Variants in GRPR observed in about 807,000 individuals in gnomAD.
GRPR encodes the protein gastrin releasing peptide receptor, also known as gastrin-releasing peptide receptor.
Under a neutral mutation model 15.6 loss-of-function variants are expected in GRPR, and 4 were observed. The observed-to-expected ratio is 0.26, with a 90% CI of 0.13 to 0.59. GRPR has a LOEUF of 0.59. Among genes scored for constraint, GRPR ranks in the 20% least tolerant of loss-of-function variants. GRPR has a pLI of 0.90. For missense variants in GRPR, 270 were observed against 304.1 expected, an observed-to-expected ratio of 0.89 and a Z score of 0.83; for synonymous variants, 128 against 126.8, an observed-to-expected ratio of 1.01 and a Z score of -0.06.
chrX:16,128,092 G>C (rs1922320430), intron 1 of GRPR, among the ~76,000 whole-genome samples: 1 of 112,374 alleles, frequency 8.9e-6, no homozygotes, highest in African/African-American at 3.2e-5. Flanking sequence ...TGCCCCTCAA[G>C]TTTTCTTGTG....
chrX:16,134,231 T>A (rs943004942), intron 1 of GRPR, among the ~76,000 whole-genome samples: 13 of 111,968 alleles, frequency 1.2e-4, no homozygotes, highest in Non-Finnish European at 2.4e-4. Flanking sequence ...TTTTCAGTTC[T>A]CTAATCCTTT....
At chrX:16,145,057 T>G (rs1922584519) in intron 1 of GRPR, among the ~76,000 whole-genome samples, 1 of 111,420 alleles carries the variant, frequency 9.0e-6, no homozygotes, top group Admixed American at 9.5e-5. Flanking sequence ...ACCCATAGAA[T>G]GTAAATTAGT....
chrX:16,137,975 A>G (rs1390897775), intron 1 of GRPR, among the ~76,000 whole-genome samples: 1 of 112,118 alleles, frequency 8.9e-6, no homozygotes, highest in East Asian at 2.8e-4. Flanking sequence ...GGGTACATCA[A>G]CCTTCTTAAT....
chrX:16,135,149 C>T (rs1011492669), intron 1 of GRPR, among the ~76,000 whole-genome samples: 4 of 111,718 alleles, frequency 3.6e-5, no homozygotes, highest in African/African-American at 1.3e-4. Flanking sequence ...GGAATCTCAA[C>T]TGATGCCTGC....
rs1922736344 is a variant in GRPR, at chrX:16,152,773, G to C, written c.*128G>C. On this transcript the variant is annotated 3_prime_UTR_variant, in exon 3 of 3. Coordinates refer to ENST00000380289, the MANE Select transcript of GRPR (RefSeq NM_005314.3). ...ATGCTCCTGAGTGGTGTAGGTGGGG[G>C]TGGGGAGGCCCAAATGATGGATCAC... 3.5e-6 allele frequency: 2 copies of C among 573,092 alleles called. No individual in the cohort carries two copies. Among genetic ancestry groups the C allele is most frequent in the African/African-American group, 2.3e-5 (1 of 44,372 alleles). The allele number at this position is 573,092 out of a possible 1,213,427, so 47.2% of individuals were successfully genotyped here. A position where few individuals can be genotyped will look rare whatever the true frequency, so the allele number is the denominator to read the frequency against.
chrX:16,149,298 T>C (rs574916209), intron 1 of GRPR, among the ~76,000 whole-genome samples: 5 of 111,378 alleles, frequency 4.5e-5, no homozygotes, highest in African/African-American at 1.3e-4. Flanking sequence ...AAGCTCCCTC[T>C]TTCTATCCTA....
chrX:16,125,039 A>C (rs1922268682), intron 1 of GRPR, among the ~76,000 whole-genome samples: 1 of 112,351 alleles, frequency 8.9e-6, no homozygotes, highest in South Asian at 3.7e-4. Flanking sequence ...TATTGACAAT[A>C]CTTCATATAC....
At chrX:16,138,291 G>A (rs1922478250) in intron 1 of GRPR, among the ~76,000 whole-genome samples, 1 of 112,123 alleles carries the variant, frequency 8.9e-6, no homozygotes, top group Middle Eastern at 4.6e-3. Flanking sequence ...AGCACTGCCT[G>A]TTTGCTAGAA....
chrX:16,146,228 T>TTAGA (rs1922603567), intron 1 of GRPR, among the ~76,000 whole-genome samples: 1 of 111,882 alleles, frequency 8.9e-6, no homozygotes, highest in Non-Finnish European at 1.9e-5. Flanking sequence ...TCTAATTGTT[T>TTAGA]TAGATAAGGC....
Position 16,124,321 on chromosome X carries a change from C to T in GRPR, c.368C>T (p.Ser123Phe). 1 of 1,210,946 alleles carries T rather than the reference C, an allele frequency of 8.3e-7. No individual in the cohort carries two copies. Among genetic ancestry groups the T allele is most frequent in the East Asian group, 3.0e-5 (1 of 33,847 alleles). ...CTGATCCCCTTTATACAGCTTACCTCTGTTGGGGTGTCTGTCTTCACACTC... is the reference window on the plus strand; with the variant it reads ...CTGATCCCCTTTATACAGCTTACCTTTGTTGGGGTGTCTGTCTTCACACTC... Reference protein sequence around the residue: ...CKLIPFIQLTSVGVSVFTLTA... With the variant: ...CKLIPFIQLTFVGVSVFTLTA... Residue 123 changes from serine (S) to phenylalanine (F), a missense_variant, in exon 1 of 3, where the codon TCT becomes TTT. By Grantham distance (155) the Ser-to-Phe change is radical (BLOSUM62 -2). Transcript: ENST00000380289.
At chrX:16,142,002 G>A (rs1922536725) in intron 1 of GRPR, among the ~76,000 whole-genome samples, 1 of 111,915 alleles carries the variant, frequency 8.9e-6, no homozygotes, top group African/African-American at 3.2e-5. Context: ...CTTCAAATGG[G>A]CAAGTGGCTT....
In GRPR at chrX:16,152,415, C is replaced by A; in HGVS notation, c.925C>A (p.Leu309Ile). The stretch of plus-strand genomic sequence containing the variant: ...CTTTGTCACCAGCATCTGTGCCCGC[C>A]TCCTGGCCTTCACCAACTCCTGCGT... ...LHFVTSICAR[L>I]LAFTNSCVNP... Residue 309 changes from leucine to isoleucine, a missense_variant, in exon 3 of 3, where the codon CTC becomes ATC. Leu to Ile is a conservative substitution (Grantham distance 5). Coordinates refer to ENST00000380289, the MANE Select transcript of GRPR (RefSeq NM_005314.3). 1 of 1,210,973 alleles carries A rather than the reference C, an allele frequency of 8.3e-7. No individual in the cohort carries two copies. Among genetic ancestry groups the A allele is most frequent in the East Asian group, 3.0e-5 (1 of 33,850 alleles).
intron 1 of GRPR, among the ~76,000 whole-genome samples, chrX:16,129,307 G>A (rs921927467): frequency 1.8e-5 from 2 of 112,127 alleles, no homozygotes; most frequent in Admixed American, 1.9e-4. Flanking sequence ...GTCTAACTTG[G>A]TAGCCACTAA....
rs1922518359 is a variant in GRPR at position 16,140,697 on chromosome X, C to T, written c.414-9608C>T. Reference sequence around the variant, plus strand: ...TAACTGTGGTTTCTCAGGGGATTCCCAGCAAGAATGTGCCCCAGTTGCCCA... The same window carrying T: ...TAACTGTGGTTTCTCAGGGGATTCCTAGCAAGAATGTGCCCCAGTTGCCCA... On this transcript the variant is annotated intron_variant, in intron 1 of 2. Coordinates refer to ENST00000380289, the MANE Select transcript of GRPR (RefSeq NM_005314.3). Among the ~76,000 whole-genome samples the T allele has an allele frequency of 2.7e-5, 3 of 112,068 alleles. No individual in the cohort carries two copies. The Admixed American group carries it at 2.8e-4, about 11-fold the overall frequency.
intron 1 of GRPR, among the ~76,000 whole-genome samples, chrX:16,133,376 T>G (rs1340343236): frequency 5.4e-5 from 6 of 111,929 alleles, no homozygotes; most frequent in Non-Finnish European, 7.5e-5. Flanking sequence ...TCTCTCTAGA[T>G]TTAAAAACCT....
chrX:16,124,211 C>T lies in GRPR; in HGVS notation c.258C>T (p.Asp86=), dbSNP rs1349387672. 1 of 1,210,708 alleles carries T rather than the reference C, an allele frequency of 8.3e-7. No individual in the cohort carries two copies. Among genetic ancestry groups the T allele is most frequent in the South Asian group, 1.8e-5 (1 of 56,935 alleles). ...NLFISSLALG[D]LLLLITCAPV... The stretch of plus-strand genomic sequence containing the variant: ...TCATTTCCAGTCTGGCTTTGGGAGA[C>T]CTGCTCCTCCTAATAACGTGTGCTC... The change falls in exon 1 of 3, where the codon GAC becomes GAT. Residue 86 remains aspartate (D), a synonymous_variant. Transcript: ENST00000380289.
intron 1 of GRPR, among the ~76,000 whole-genome samples, chrX:16,126,278 C>T (rs1193598987): frequency 2.7e-5 from 3 of 112,004 alleles, no homozygotes; most frequent in African/African-American, 9.7e-5. Context: ...TGATGGATCA[C>T]CTGAATCACA....
At chrX:16,152,232 C>T in intron 2 of GRPR, 24 bp from the exon 3 acceptor site, 1 of 1,180,718 alleles carries the variant, frequency 8.5e-7, no homozygotes, top group Non-Finnish European at 1.2e-6. Flanking sequence ...TCCTCTGTCT[C>T]TCTCCATGTG....
chrX:16,140,595 T>C (rs1922516753), intron 1 of GRPR, among the ~76,000 whole-genome samples: 1 of 111,198 alleles, frequency 9.0e-6, no homozygotes, highest in African/African-American at 3.3e-5. Flanking sequence ...CAACAGACAA[T>C]TGTCAACCAG....
Sources: allele counts gnomAD v4.1 joint callset (sites outside exome capture counted in the v4.1 genomes callset), GRCh38; gene constraint gnomAD v4.1.1; transcripts MANE v1.5; gene names NCBI Gene and HGNC (gene_info 2026-07-23, HGNC 2026-07-21).